Variants in POLR2B observed in about 807,000 individuals in gnomAD.
The protein encoded by POLR2B is RNA polymerase II subunit B, also known as DNA-directed RNA polymerase II subunit RPB2.
POLR2B carries 57 observed loss-of-function variants against 144.6 expected under a neutral mutation model. That is an observed-to-expected ratio of 0.39 (90% CI 0.32 to 0.49). The LOEUF (loss-of-function observed/expected upper bound fraction) is 0.49, where lower values mean the gene tolerates loss of function less well. Among genes scored for constraint, POLR2B ranks in the 20% least tolerant of loss-of-function variants. The pLI is 0.83. For synonymous variants in POLR2B, 442 were observed against 469.8 expected, an observed-to-expected ratio of 0.94 and a Z score of 0.77; for missense variants, 595 against 1,467.4, an observed-to-expected ratio of 0.41 and a Z score of 9.71.
At chr4:56,985,399 G>A (rs1317214810) in intron 1 of POLR2B, 2 of 985,240 alleles carry the variant, frequency 2.0e-6, no homozygotes, top group African/African-American at 3.5e-5. Context: ...CGGTGCTGTG[G>A]CGAGGCGGGG....
At chr4:57,021,590 G>A (rs1723552625) in intron 17 of POLR2B, among the ~76,000 whole-genome samples, 1 of 146,464 alleles carries the variant, frequency 6.8e-6, no homozygotes, top group Non-Finnish European at 1.5e-5. Flanking sequence ...CAGGTTTCAA[G>A]AGATTCTCCT....
intron 9 of POLR2B, among the ~76,000 whole-genome samples, 183 bp from the exon 10 acceptor site, chr4:57,006,633 C>T (rs1165168816): frequency 6.6e-6 from 1 of 152,122 alleles, no homozygotes; most frequent in African/African-American, 2.4e-5. Context: ...AGTTGCTCCC[C>T]TGCCATGTAT....
At chr4:56,986,504 C>T (rs1330858513) in intron 2 of POLR2B, 78 bp downstream of exon 2, 1 of 821,728 alleles carries the variant, frequency 1.2e-6, no homozygotes, top group Non-Finnish European at 2.1e-6. Flanking sequence ...AATAGCTCTT[C>T]TATATAAATA....
chr4:57,029,832 C>T (rs1280739713), intron 23 of POLR2B, among the ~76,000 whole-genome samples: 11 of 152,118 alleles, frequency 7.2e-5, no homozygotes, highest in Admixed American at 7.2e-4. Flanking sequence ...AAATTAAATG[C>T]TCTACTTAAG....
In POLR2B at chr4:57,030,888, T is replaced by A. The variant is rs763491623; in HGVS notation, c.3436-11T>A. 2 of 1,571,166 alleles carry A rather than the reference T, an allele frequency of 1.3e-6. No individual in the cohort carries two copies. The highest frequency in any genetic ancestry group is 1.8e-6 in the Non-Finnish European group (2 of 1,140,822). Reference sequence around the variant, plus strand: ...CAATTCTGCTAATTACCATTTGTTTTTTCTTTTCAGATTTCTTTGGTGCGA... The same window carrying A: ...CAATTCTGCTAATTACCATTTGTTTATTCTTTTCAGATTTCTTTGGTGCGA... On this transcript the variant is annotated splice_polypyrimidine_tract_variant and intron_variant, in intron 24 of 24. Coordinates refer to ENST00000314595, the MANE Select transcript of POLR2B (RefSeq NM_000938.3).
chr4:57,028,656 C>T (rs551112814), intron 23 of POLR2B, among the ~76,000 whole-genome samples: 4 of 152,228 alleles, frequency 2.6e-5, no homozygotes, highest in South Asian at 2.1e-4. Context: ...ATGTTTCCAC[C>T]ATCAGTGCAA....
At chr4:56,980,604 C>G (rs970979861) in intron 1 of POLR2B, among the ~76,000 whole-genome samples, 1 of 152,044 alleles carries the variant, frequency 6.6e-6, no homozygotes, top group African/African-American at 2.4e-5. Flanking sequence ...CCTATAGTCC[C>G]AGCTACTTGT....
At chr4:57,014,060 T>G (rs537098395) in intron 13 of POLR2B, among the ~76,000 whole-genome samples, 8 of 152,242 alleles carry the variant, frequency 5.3e-5, no homozygotes, top group Non-Finnish European at 1.2e-4. Flanking sequence ...TCTTGGACTT[T>G]AGAATACTAC....
At chr4:57,006,712 AT>A (rs1217538476) in intron 9 of POLR2B, 103 bp from the exon 10 acceptor site, 1 of 845,534 alleles carries the variant, frequency 1.2e-6, no homozygotes. Context: ...TGCCCAAACA[AT>A]TTTTGCTCAC....
intron 6 of POLR2B, among the ~76,000 whole-genome samples, chr4:56,997,528 A>G (rs1016505071): frequency 9.2e-5 from 14 of 152,240 alleles, no homozygotes; most frequent in Non-Finnish European, 2.1e-4. Flanking sequence ...AAGTGCTGGC[A>G]TGAGCCACCG....
chr4:56,988,175 AG>A (rs1230728785), intron 2 of POLR2B, among the ~76,000 whole-genome samples: 2 of 152,130 alleles, frequency 1.3e-5, no homozygotes, highest in African/African-American at 4.8e-5. Context: ...GGTTTGGAGA[AG>A]GGGCCGGGGC....
chr4:57,010,267 C>A, intron 10 of POLR2B, 94 bp from the exon 11 acceptor site: 1 of 1,091,276 alleles, frequency 9.2e-7, no homozygotes, highest in Non-Finnish European at 1.4e-6. Flanking sequence ...GTTTGATACT[C>A]AGTAGATTAT....
intron 10 of POLR2B, 32 bp downstream of exon 10, chr4:57,007,034 T>C (rs370068643): frequency 5.2e-5 from 74 of 1,436,394 alleles, no homozygotes; most frequent in Non-Finnish European, 6.2e-5. Flanking sequence ...ACAGGCTCAA[T>C]AGGAAACATG....
In POLR2B at chr4:57,012,930, TC is replaced by T. The variant is rs1723240425; in HGVS notation, c.1800+1833del. On this transcript the variant is annotated intron_variant, in intron 13 of 24. Transcript: ENST00000314595. ...ATCTCGGCTCACTGCAACGTCTGCCTCCCGGGTTCAAGCAATTCTCCTGCTT... is the reference window on the plus strand; with the variant it reads ...ATCTCGGCTCACTGCAACGTCTGCCTCCGGGTTCAAGCAATTCTCCTGCTT... 2.0e-5 allele frequency among the ~76,000 whole-genome samples: 3 copies of T among 152,202 alleles called. No individual in the cohort carries two copies. The South Asian group carries it at 6.2e-4, about 32-fold the overall frequency.
rs760090936 is a variant in POLR2B, at chr4:56,992,492, A to AAAAG, written c.243+1594_243+1595insAAAG. Among the ~76,000 whole-genome samples, 602 of 88,488 alleles carry AAAAG rather than the reference A, an allele frequency of 6.8e-3. 98 individuals carry two copies. Among genetic ancestry groups the AAAAG allele is most frequent in the East Asian group, 0.011 (26 of 2,458 alleles). 58.1% of individuals were successfully genotyped at this position (88,488 alleles called of 152,430 possible). A position where few individuals can be genotyped will look rare whatever the true frequency, so the allele number is the denominator to read the frequency against. The stretch of plus-strand genomic sequence containing the variant: ...AAAAAAAAAAAAAAAAAAAAAAAAA[A>AAAAG]GAAAAGAAAATACTTGGTGTATTTA... On this transcript the variant is annotated intron_variant, in intron 3 of 24. Transcript: ENST00000314595.
chr4:57,023,120 C>T lies in POLR2B; in HGVS notation c.2516-210C>T. 2.0e-6 allele frequency: 1 copy of T among 507,978 alleles called. No homozygotes were observed. The allele number at this position is 507,978 out of a possible 1,614,324, so 31.5% of individuals were successfully genotyped here. On this transcript the variant is annotated intron_variant, in intron 18 of 24. Transcript: ENST00000314595. The surrounding 1 kb of genome is among the most constrained non-coding windows in gnomAD (Gnocchi z 4.3). ...GAATCTGCTTTCCCAGTGCTGATTC[C>T]AATGTTCTTTTCCTTCATAGACTTT...
intron 1 of POLR2B, among the ~76,000 whole-genome samples, chr4:56,980,851 C>T (rs1722136194): frequency 6.6e-6 from 1 of 151,290 alleles, no homozygotes. Context: ...GTTGCCCAGG[C>T]TTGAGTGTGG....
chr4:56,980,716 C>T (rs911081799), intron 1 of POLR2B, among the ~76,000 whole-genome samples: 3 of 152,206 alleles, frequency 2.0e-5, no homozygotes, highest in South Asian at 2.1e-4. Flanking sequence ...TAAAGTGTCA[C>T]GTCTCCTTCT....
chr4:57,008,423 C>T (rs947364897), intron 10 of POLR2B, among the ~76,000 whole-genome samples: 33 of 152,112 alleles, frequency 2.2e-4, no homozygotes, highest in African/African-American at 7.5e-4. Context: ...AGGATGGTCT[C>T]GATCTCCTGA....
Sources: gnomAD v4.1 joint callset for allele counts (sites outside exome capture counted in the v4.1 genomes callset) on GRCh38, gnomAD v4.1.1 for gene constraint, Gnocchi (gnomAD v3.1) non-coding constraint, MANE v1.5 for transcripts, NCBI Gene and HGNC (gene_info 2026-07-23, HGNC 2026-07-21) for gene names.